FTO: variants seen among roughly 807,000 people sequenced by gnomAD.
FTO encodes alpha-ketoglutarate-dependent dioxygenase FTO.
In FTO, 47 loss-of-function variants were observed where a neutral mutation model predicts 63.9. That is an observed-to-expected ratio of 0.74 (90% CI 0.58 to 0.94). The LOEUF is 0.94. Among genes scored for constraint, FTO ranks in the 40% least tolerant of loss-of-function variants. The probability of loss-of-function intolerance (pLI) is 0.00; values close to 1 mark genes in which losing one functional copy is unlikely to be tolerated. For missense variants in FTO, 562 were observed against 618.1 expected (o/e 0.91, Z 0.96); for synonymous variants, 207 against 224.4 (o/e 0.92, Z 0.69).
chr16:53,926,139 T>C (rs1269058158), intron 7 of FTO, among the ~76,000 whole-genome samples: 1 of 152,168 alleles, frequency 6.6e-6, no homozygotes, highest in Non-Finnish European at 1.5e-5. Flanking sequence ...CATAACCTCA[T>C]ATTAGGAGGG....
At chr16:53,822,528 C>A (rs1001951938) in intron 2 of FTO, among the ~76,000 whole-genome samples, 4 of 152,140 alleles carry the variant, frequency 2.6e-5, no homozygotes, top group Non-Finnish European at 4.4e-5. Context: ...AAGCCACCGT[C>A]ACGGTGTTAC....
At chr16:53,768,611 G>C (rs545960428) in intron 1 of FTO, among the ~76,000 whole-genome samples, 1 of 152,276 alleles carries the variant, frequency 6.6e-6, no homozygotes, top group Admixed American at 6.5e-5. Context: ...GGGATGGATA[G>C]GCAGCTTTGT....
Position 54,117,336 on chromosome 16 carries a change from A to G in FTO, c.*5421A>G, listed in dbSNP as rs1244970140. The G allele has an allele frequency of 1.3e-5, 2 of 152,204 alleles. No homozygotes were observed. Among genetic ancestry groups the G allele is most frequent in the South Asian group, 2.1e-4 (1 of 4,828 alleles). The allele number at this position is 152,204 out of a possible 1,614,324, so 9.4% of individuals were successfully genotyped here. On this transcript the variant is annotated 3_prime_UTR_variant, in exon 9 of 9. Coordinates refer to ENST00000471389, the MANE Select transcript of FTO (RefSeq NM_001080432.3). ...ATTATTAACCAAGTTTCCTGTGGTAACAGTTGTAGCTTTGTGACTGGGCCA... is the reference window on the plus strand; with the variant it reads ...ATTATTAACCAAGTTTCCTGTGGTAGCAGTTGTAGCTTTGTGACTGGGCCA...
chr16:54,000,267 G>A (rs1013472501), intron 8 of FTO, among the ~76,000 whole-genome samples: 2 of 152,184 alleles, frequency 1.3e-5, no homozygotes, highest in African/African-American at 4.8e-5. Context: ...AAGCAAACAA[G>A]CAAGTATATT....
chr16:53,815,083 CAGAGAGAG>C (rs56202708), intron 2 of FTO, among the ~76,000 whole-genome samples: 28 of 148,044 alleles, frequency 1.9e-4, no homozygotes, highest in East Asian at 4.0e-4. Flanking sequence ...GGGAGACGGT[CAGAGAGAG>C]AGAGAGAGAG....
At chr16:54,086,216 A>G (rs1180337170) in intron 8 of FTO, among the ~76,000 whole-genome samples, 1 of 152,240 alleles carries the variant, frequency 6.6e-6, no homozygotes, top group Non-Finnish European at 1.5e-5. Flanking sequence ...TGAAGCTGTT[A>G]TTGGAACAAA....
chr16:53,822,795 C>A (rs1011183903), intron 2 of FTO, among the ~76,000 whole-genome samples: 1 of 152,134 alleles, frequency 6.6e-6, no homozygotes, highest in Non-Finnish European at 1.5e-5. Context: ...TGTGCCCCAC[C>A]ACTCTTCCAG....
chr16:54,088,158 A>G (rs561756580), intron 8 of FTO, among the ~76,000 whole-genome samples: 1 of 152,236 alleles, frequency 6.6e-6, no homozygotes, highest in African/African-American at 2.4e-5. Flanking sequence ...CTATGCATTT[A>G]CAGACATACA....
chr16:54,028,681 A>C (rs2084768020), intron 8 of FTO, among the ~76,000 whole-genome samples: 1 of 152,210 alleles, frequency 6.6e-6, no homozygotes, highest in Admixed American at 6.5e-5. Context: ...TAGATAAATG[A>C]AAGCTAGTGA....
At chr16:54,017,335 A>G (rs1256876396) in intron 8 of FTO, among the ~76,000 whole-genome samples, 1 of 152,216 alleles carries the variant, frequency 6.6e-6, no homozygotes, top group Non-Finnish European at 1.5e-5. Flanking sequence ...CAGTTAATCT[A>G]CAGAACATTT....
chr16:53,777,853 T>C (rs2077497296), intron 1 of FTO, among the ~76,000 whole-genome samples: 1 of 152,212 alleles, frequency 6.6e-6, no homozygotes, highest in African/African-American at 2.4e-5. Context: ...GTCTGCCAAA[T>C]ACTCAAGTCC....
At chr16:53,950,357 A>G (rs561021951) in intron 8 of FTO, among the ~76,000 whole-genome samples, 37 of 152,132 alleles carry the variant, frequency 2.4e-4, no homozygotes, top group Admixed American at 7.2e-4. Context: ...AGAGTCTCAA[A>G]ATGACCAGGA....
chr16:53,728,634 T>G (rs1409386373), intron 1 of FTO, among the ~76,000 whole-genome samples: 1 of 152,182 alleles, frequency 6.6e-6, no homozygotes, highest in African/African-American at 2.4e-5. Context: ...TGTAAGAGGA[T>G]AAAGAGTTAT....
chr16:54,077,312 C>T (rs779661013), intron 8 of FTO, among the ~76,000 whole-genome samples: 5 of 152,162 alleles, frequency 3.3e-5, no homozygotes, highest in South Asian at 2.1e-4. Flanking sequence ...GATGCCAAAG[C>T]GGCCTTTGGG....
intron 1 of FTO, among the ~76,000 whole-genome samples, chr16:53,805,449 T>G (rs1365338225): frequency 2.0e-5 from 3 of 149,522 alleles, no homozygotes; most frequent in East Asian, 3.9e-4. Flanking sequence ...TGTGGTTTTT[T>G]TTTTTTTTTT....
intron 8 of FTO, among the ~76,000 whole-genome samples, chr16:54,105,350 T>C (rs1195621751): frequency 5.3e-5 from 8 of 152,222 alleles, no homozygotes; most frequent in African/African-American, 1.9e-4. Context: ...TGGAATGTCC[T>C]GCATATTTAA....
intron 7 of FTO, among the ~76,000 whole-genome samples, chr16:53,898,736 G>A (rs530009405): frequency 2.9e-4 from 44 of 152,276 alleles, no homozygotes; most frequent in African/African-American, 1.0e-3. Context: ...CTAGAGTACA[G>A]TGGTGTGATC....
intron 1 of FTO, among the ~76,000 whole-genome samples, chr16:53,787,008 G>C (rs1195193462): frequency 6.7e-6 from 1 of 150,040 alleles, no homozygotes; most frequent in East Asian, 2.0e-4. Flanking sequence ...CTACTCGGGA[G>C]GCTGAGGCAG....
At chr16:53,779,069 T>G (rs2077528067) in intron 1 of FTO, among the ~76,000 whole-genome samples, 1 of 152,106 alleles carries the variant, frequency 6.6e-6, no homozygotes, top group Non-Finnish European at 1.5e-5. Context: ...CTTTGATTGC[T>G]TTATTTGTTT....
Sources: gnomAD v4.1 joint callset for allele counts (sites outside exome capture counted in the v4.1 genomes callset) on GRCh38, gnomAD v4.1.1 for gene constraint, MANE v1.5 for transcripts, NCBI Gene and HGNC (gene_info 2026-07-23, HGNC 2026-07-21) for gene names.